TPTE: variants seen among roughly 807,000 people sequenced by gnomAD.
TPTE encodes transmembrane phosphatase with tensin homology.
In TPTE, 59 loss-of-function variants were observed where a neutral mutation model predicts 84.1. The ratio of observed to expected loss-of-function variants is 0.70; its 90% CI spans 0.57 to 0.87. The LOEUF is 0.87. Ranked by LOEUF, TPTE falls within the 40% of genes least tolerant of loss-of-function variation. The probability of loss-of-function intolerance (pLI) is 0.00; values close to 1 mark genes in which losing one functional copy is unlikely to be tolerated. For missense variants in TPTE, 382 were observed against 659.6 expected, an observed-to-expected ratio of 0.58 and a Z score of 4.61; for synonymous variants, 130 against 223.5, an observed-to-expected ratio of 0.58 and a Z score of 3.73.
At chr21:10,544,343 T>A (rs1471374785) in intron 7 of TPTE, among the ~76,000 whole-genome samples, 1 of 152,308 alleles carries the variant, frequency 6.6e-6, no homozygotes, top group Non-Finnish European at 1.5e-5. Flanking sequence ...AAAGAATTTA[T>A]TTTATAGGAC....
chr21:10,535,289 TTTATATACAAGTAAGTGTATATATAC>T (rs2145598240), intron 3 of TPTE, among the ~76,000 whole-genome samples: 1 of 152,428 alleles, frequency 6.6e-6, no homozygotes, highest in Non-Finnish European at 1.5e-5. Context: ...GAAACAAGGA[TTTATATACAAGTAAGTGTATATATAC>T]ATATATACAC....
intron 19 of TPTE, 46 bp downstream of exon 19, chr21:10,592,419 T>G (rs777310368): frequency 3.1e-6 from 5 of 1,600,678 alleles, no homozygotes; most frequent in South Asian, 1.1e-5. Context: ...GGGTGTGGGT[T>G]CAGATTGCCA....
chr21:10,539,021 A>T (rs1175024065), intron 4 of TPTE, among the ~76,000 whole-genome samples: 1 of 152,310 alleles, frequency 6.6e-6, no homozygotes, highest in Non-Finnish European at 1.5e-5. Context: ...TTTGTAGGTA[A>T]CATTGCTTCC....
chr21:10,535,481 T>C (rs554825690), intron 3 of TPTE, among the ~76,000 whole-genome samples: 2 of 152,428 alleles, frequency 1.3e-5, no homozygotes, highest in Admixed American at 1.3e-4. Flanking sequence ...GTAGGATCTA[T>C]AGATAACCTT....
intron 14 of TPTE, among the ~76,000 whole-genome samples, chr21:10,573,986 C>CT (rs1259879791): frequency 2.0e-5 from 3 of 152,294 alleles, no homozygotes; most frequent in Non-Finnish European, 4.4e-5. Context: ...AGAAAATAAA[C>CT]TCCAACTCTT....
intron 8 of TPTE, among the ~76,000 whole-genome samples, chr21:10,555,915 C>G (rs1372677972): frequency 3.3e-5 from 5 of 152,310 alleles, no homozygotes; most frequent in Admixed American, 2.6e-4. Context: ...GCCTTTACTT[C>G]TATCTTCTTC....
At chr21:10,527,302 C>A (rs900774987) in intron 2 of TPTE, 53 bp from the exon 3 acceptor site, 1 of 152,772 alleles carries the variant, frequency 6.5e-6, no homozygotes, top group Non-Finnish European at 1.5e-5. Context: ...ATCCTCATTG[C>A]CTTCCAAAAT....
chr21:10,588,406 G>T (rs2075405288), intron 17 of TPTE, among the ~76,000 whole-genome samples: 3 of 152,310 alleles, frequency 2.0e-5, no homozygotes, highest in Admixed American at 2.0e-4. Context: ...GGCTACCTTT[G>T]TGTGTGATCT....
At chr21:10,554,770 C>T (rs1489320767) in intron 8 of TPTE, among the ~76,000 whole-genome samples, 11 of 152,304 alleles carry the variant, frequency 7.2e-5, no homozygotes, top group Non-Finnish European at 1.5e-4. Context: ...AATTTATTTT[C>T]TTCATTTAAA....
At chr21:10,604,765 A>G (rs865967609) in intron 23 of TPTE, among the ~76,000 whole-genome samples, 5 of 152,300 alleles carry the variant, frequency 3.3e-5, no homozygotes, top group Non-Finnish European at 5.9e-5. Context: ...TTAAAACACT[A>G]TGTTCATTTT....
intron 20 of TPTE, among the ~76,000 whole-genome samples, chr21:10,597,088 A>T (rs2075602338): frequency 6.6e-6 from 1 of 152,312 alleles, no homozygotes; most frequent in Non-Finnish European, 1.5e-5. Context: ...TAGAGTTGAG[A>T]GGAAAGCAAT....
chr21:10,603,485 A>C, intron 22 of TPTE, 77 bp from the exon 23 acceptor site: 1 of 1,395,494 alleles, frequency 7.2e-7, no homozygotes, highest in East Asian at 2.4e-5. Flanking sequence ...AAAAAGAATA[A>C]AGAAAGGAAC....
chr21:10,601,023 TAAA>T (rs1978423655), intron 21 of TPTE, among the ~76,000 whole-genome samples: 1 of 152,298 alleles, frequency 6.6e-6, no homozygotes, highest in Non-Finnish European at 1.5e-5. Flanking sequence ...ATTCAGAAAA[TAAA>T]AAACCGTGAT....
intron 10 of TPTE, among the ~76,000 whole-genome samples, chr21:10,562,884 T>A (rs1439128797): frequency 1.3e-5 from 2 of 152,292 alleles, no homozygotes; most frequent in Admixed American, 1.3e-4. Context: ...CAGAAAGATA[T>A]CAATATCCAA....
intron 21 of TPTE, among the ~76,000 whole-genome samples, chr21:10,599,807 G>A (rs1176839860): frequency 6.3e-5 from 3 of 47,736 alleles, no homozygotes; most frequent in Non-Finnish European, 1.5e-4. Context: ...AATTTAGTTA[G>A]TTAGTTAGTT....
At chr21:10,602,557 T>A (rs60459307) in intron 22 of TPTE, among the ~76,000 whole-genome samples, 679 of 150,434 alleles carry the variant, frequency 4.5e-3, no homozygotes, top group African/African-American at 0.016. Flanking sequence ...TGCAGTGACG[T>A]GATCATAGCT....
chr21:10,548,700 C>T (rs1449694998), intron 7 of TPTE, among the ~76,000 whole-genome samples: 5 of 152,300 alleles, frequency 3.3e-5, no homozygotes, highest in Non-Finnish European at 7.3e-5. Context: ...AGCAGCTATG[C>T]ACCTATATAT....
At chr21:10,572,445 G>C (rs1418300146) in intron 14 of TPTE, among the ~76,000 whole-genome samples, 1 of 123,834 alleles carries the variant, frequency 8.1e-6, no homozygotes, top group East Asian at 2.5e-4. Flanking sequence ...GAGCGAGACT[G>C]TATCCAAAAA....
chr21:10,597,428 T>A (rs1341293065), intron 20 of TPTE, among the ~76,000 whole-genome samples: 1 of 152,286 alleles, frequency 6.6e-6, no homozygotes, highest in African/African-American at 2.4e-5. Flanking sequence ...TTTTTTTTTT[T>A]TTTGGAGACA....
Sources: gnomAD v4.1 joint callset for allele counts (sites outside exome capture counted in the v4.1 genomes callset) on GRCh38, gnomAD v4.1.1 for gene constraint, MANE v1.5 for transcripts, NCBI Gene and HGNC (gene_info 2026-07-23, HGNC 2026-07-21) for gene names.